RBMS3: variants seen among roughly 807,000 people sequenced by gnomAD.
RBMS3 encodes the protein RNA binding motif single stranded interacting protein 3.
A neutral mutation model predicts 66.8 loss-of-function variants in RBMS3; 27 were observed. That is an observed-to-expected ratio of 0.40 (90% CI 0.30 to 0.56). RBMS3 has a LOEUF of 0.56. Among genes scored for constraint, RBMS3 ranks in the 20% least tolerant of loss-of-function variants. RBMS3 has a pLI of 0.40. For synonymous variants in RBMS3, 188 were observed against 183.0 expected, an observed-to-expected ratio of 1.03 and a Z score of -0.22; for missense variants, 513 against 549.5, an observed-to-expected ratio of 0.93 and a Z score of 0.66.
chr3:29,506,480 T>C lies in RBMS3; in HGVS notation c.307+17981T>C, dbSNP rs2044185209. On this transcript the variant is annotated intron_variant, in intron 3 of 14. Coordinates refer to ENST00000383767, the MANE Select transcript of RBMS3 (RefSeq NM_001003793.3). ...TAATGTGATGTTAAATTTGACTTGC[T>C]AGTATTTTGTTGAGGTTATTTACAT... 3.3e-5 allele frequency among the ~76,000 whole-genome samples: 5 copies of C among 150,682 alleles called. No individual in the cohort carries two copies. In the South Asian group the frequency reaches 1.1e-3, roughly 32 times the overall value.
intron 1 of RBMS3, among the ~76,000 whole-genome samples, chr3:29,296,981 A>G (rs2033318031): frequency 1.3e-5 from 2 of 151,488 alleles, no homozygotes; most frequent in African/African-American, 4.8e-5. Flanking sequence ...TATATATTAT[A>G]CTTAATATAC....
At chr3:29,869,234 T>C (rs186590230) in intron 7 of RBMS3, among the ~76,000 whole-genome samples, 2 of 152,278 alleles carry the variant, frequency 1.3e-5, no homozygotes, top group East Asian at 3.9e-4. Context: ...GAAATACTTA[T>C]CTACAAAGAA....
At chr3:29,813,566 T>C (rs1276277966) in intron 6 of RBMS3, among the ~76,000 whole-genome samples, 4 of 152,260 alleles carry the variant, frequency 2.6e-5, no homozygotes, top group African/African-American at 9.6e-5. Flanking sequence ...TAAATTACCT[T>C]GGGCAGTATG....
chr3:29,442,749 C>A (rs2125741799), intron 2 of RBMS3, among the ~76,000 whole-genome samples: 1 of 152,166 alleles, frequency 6.6e-6, no homozygotes, highest in South Asian at 2.1e-4. Context: ...ACAGCTGACC[C>A]TTTTTAGTCC....
At chr3:29,480,560 A>G (rs2043095274) in intron 2 of RBMS3, among the ~76,000 whole-genome samples, 1 of 152,216 alleles carries the variant, frequency 6.6e-6, no homozygotes. Flanking sequence ...TGGTGCCAAG[A>G]AGTCAATGCT....
chr3:29,940,666 C>T (rs2061370995), intron 11 of RBMS3, among the ~76,000 whole-genome samples: 1 of 151,614 alleles, frequency 6.6e-6, no homozygotes, highest in Admixed American at 6.6e-5. Flanking sequence ...AAATGAATGC[C>T]ATGTAGTTTA....
At chr3:29,979,389 A>G (rs190786958) in intron 12 of RBMS3, among the ~76,000 whole-genome samples, 1 of 152,294 alleles carries the variant, frequency 6.6e-6, no homozygotes, top group African/African-American at 2.4e-5. Flanking sequence ...TTTTACTAAA[A>G]CAAAATGCAG....
intron 12 of RBMS3, among the ~76,000 whole-genome samples, chr3:29,957,144 T>C (rs1461529835): frequency 1.3e-5 from 2 of 152,114 alleles, no homozygotes; most frequent in Admixed American, 1.3e-4. Context: ...GAGTTTTCTC[T>C]CCCCTTAGGT....
chr3:29,918,077 C>A (rs966417680), intron 10 of RBMS3, among the ~76,000 whole-genome samples: 22 of 152,118 alleles, frequency 1.4e-4, no homozygotes, highest in African/African-American at 4.3e-4. Flanking sequence ...TAATATCACA[C>A]AAGTTGGTGG....
intron 3 of RBMS3, among the ~76,000 whole-genome samples, chr3:29,526,922 C>T (rs1196705541): frequency 6.6e-6 from 1 of 151,858 alleles, no homozygotes; most frequent in African/African-American, 2.4e-5. Context: ...CATTTATTTT[C>T]AGCCATTCTC....
intron 3 of RBMS3, among the ~76,000 whole-genome samples, chr3:29,562,595 C>A (rs1191028358): frequency 1.3e-5 from 2 of 152,096 alleles, no homozygotes; most frequent in African/African-American, 2.4e-5. Flanking sequence ...AACTTATTTT[C>A]CCTTCGATAT....
chr3:29,686,471 G>C (rs978234603), intron 4 of RBMS3, among the ~76,000 whole-genome samples: 2 of 152,110 alleles, frequency 1.3e-5, no homozygotes, highest in African/African-American at 2.4e-5. Flanking sequence ...AATTGCTTGA[G>C]GCCAGGAGTT....
chr3:29,929,030 A>G (rs555195443), intron 10 of RBMS3, among the ~76,000 whole-genome samples: 70 of 152,348 alleles, frequency 4.6e-4, no homozygotes, highest in African/African-American at 1.6e-3. Flanking sequence ...CTCAGCAGTT[A>G]TGATCTCCTT....
intron 3 of RBMS3, among the ~76,000 whole-genome samples, chr3:29,547,697 G>A (rs1203085531): frequency 1.3e-5 from 2 of 151,664 alleles, no homozygotes; most frequent in South Asian, 2.1e-4. Flanking sequence ...TTTAAGGAAC[G>A]ACTTTTCATT....
chr3:29,899,432 T>A (rs1559781202), intron 9 of RBMS3, among the ~76,000 whole-genome samples: 1 of 151,730 alleles, frequency 6.6e-6, no homozygotes, highest in Non-Finnish European at 1.5e-5. Context: ...GCGTTCAACA[T>A]CAACCTCAAA....
intron 3 of RBMS3, among the ~76,000 whole-genome samples, chr3:29,551,931 G>A (rs2046194310): frequency 6.6e-6 from 1 of 152,020 alleles, no homozygotes; most frequent in African/African-American, 2.4e-5. Context: ...AGTACCTGCT[G>A]AACCTAATGT....
chr3:29,826,697 C>G (rs2058220768), intron 6 of RBMS3, among the ~76,000 whole-genome samples: 1 of 152,168 alleles, frequency 6.6e-6, no homozygotes, highest in Non-Finnish European at 1.5e-5. Flanking sequence ...TTCTTGAAAT[C>G]ACCTACATTT....
At chr3:29,534,708 C>T (rs1416128972) in intron 3 of RBMS3, among the ~76,000 whole-genome samples, 1 of 152,128 alleles carries the variant, frequency 6.6e-6, no homozygotes, top group African/African-American at 2.4e-5. Flanking sequence ...ATCAAATCTT[C>T]TAGATGGTGA....
chr3:29,703,015 A>T (rs2052700867), intron 4 of RBMS3, among the ~76,000 whole-genome samples: 1 of 152,228 alleles, frequency 6.6e-6, no homozygotes, highest in Non-Finnish European at 1.5e-5. Context: ...GCACTAGATG[A>T]TATTATTAGA....
Sources: gnomAD v4.1 joint callset for allele counts (sites outside exome capture counted in the v4.1 genomes callset) on GRCh38, gnomAD v4.1.1 for gene constraint, MANE v1.5 for transcripts, NCBI Gene and HGNC (gene_info 2026-07-23, HGNC 2026-07-21) for gene names.